LDAH: variants seen among roughly 807,000 people sequenced by gnomAD.
LDAH encodes lipid droplet-associated hydrolase.
A neutral mutation model predicts 29.6 loss-of-function variants in LDAH; 26 were observed. That is an observed-to-expected ratio of 0.88 (90% CI 0.64 to 1.22). LDAH has a LOEUF of 1.22. Ranked by LOEUF, LDAH falls within the 50% of genes most tolerant of loss-of-function variation. LDAH has a pLI of 0.00. For missense variants in LDAH, 344 were observed against 387.3 expected, an observed-to-expected ratio of 0.89 and a Z score of 0.94; for synonymous variants, 117 against 133.0, an observed-to-expected ratio of 0.88 and a Z score of 0.83.
intron 4 of LDAH, among the ~76,000 whole-genome samples, chr2:20,766,763 G>C (rs1198405965): frequency 6.6e-6 from 1 of 152,228 alleles, no homozygotes; most frequent in Non-Finnish European, 1.5e-5. Context: ...TATCCACAGT[G>C]GGGAGGCATA....
chr2:20,761,144 C>T (rs1020703621), intron 4 of LDAH, among the ~76,000 whole-genome samples: 4 of 152,176 alleles, frequency 2.6e-5, no homozygotes, highest in Non-Finnish European at 5.9e-5. Context: ...CTTTCACTGT[C>T]GAACAAGACA....
chr2:20,767,610 A>C (rs968677501), intron 4 of LDAH, among the ~76,000 whole-genome samples: 7 of 152,190 alleles, frequency 4.6e-5, no homozygotes, highest in Non-Finnish European at 1.0e-4. Flanking sequence ...CAGATGGGCC[A>C]CTGGGCAGAA....
chr2:20,704,750 C>T (rs933294446), intron 5 of LDAH, among the ~76,000 whole-genome samples: 2 of 152,170 alleles, frequency 1.3e-5, no homozygotes, highest in Admixed American at 1.3e-4. Context: ...TTTCTTTGTA[C>T]ATCATTTTGT....
chr2:20,683,498 C>G (rs1206608097), downstream of LDAH, among the ~76,000 whole-genome samples: 1 of 152,238 alleles, frequency 6.6e-6, no homozygotes, highest in Non-Finnish European at 1.5e-5. Flanking sequence ...ATGAAGATGT[C>G]TCAAGCCATC....
At chr2:20,814,417 AG>A (rs934296751) in intron 1 of LDAH, among the ~76,000 whole-genome samples, 3 of 152,150 alleles carry the variant, frequency 2.0e-5, no homozygotes, top group Non-Finnish European at 4.4e-5. Flanking sequence ...GTATTCTTCA[AG>A]GGAAATGAAG....
rs202245394 is a variant in LDAH, at chr2:20,701,597, G to A, written c.759C>T (p.Asp253=). Reference sequence around the variant, plus strand: ...TACATAAATGCTCCTTTATGGTTTCGTCATCTCTCTTCACCACCTCCATCA... The same window carrying A: ...TACATAAATGCTCCTTTATGGTTTCATCATCTCTCTTCACCACCTCCATCA... ...QEMMEVVKRD[D]ETIKEHLCKL... Residue 253 remains aspartate (D), a synonymous_variant, in exon 6 of 7, where the codon GAC becomes GAT. Transcript: ENST00000237822. 26 of 1,613,838 alleles carry A rather than the reference G, an allele frequency of 1.6e-5. No homozygotes were observed. The highest frequency in any genetic ancestry group is 1.6e-4 in the Middle Eastern group (1 of 6,082).
At chr2:20,719,277 T>C (rs999049409) in intron 5 of LDAH, among the ~76,000 whole-genome samples, 2 of 136,208 alleles carry the variant, frequency 1.5e-5, no homozygotes, top group Non-Finnish European at 3.2e-5. Flanking sequence ...AAAACCCAAA[T>C]AGGTAAAATC....
intron 4 of LDAH, among the ~76,000 whole-genome samples, chr2:20,773,833 C>A (rs1278152154): frequency 6.6e-6 from 1 of 152,088 alleles, no homozygotes; most frequent in Non-Finnish European, 1.5e-5. Context: ...GAGAAACAGT[C>A]AAAATCCTAG....
chr2:20,798,947 C>T (rs1231944842), intron 2 of LDAH, among the ~76,000 whole-genome samples: 1 of 152,092 alleles, frequency 6.6e-6, no homozygotes, highest in African/African-American at 2.4e-5. Context: ...CGAGTAAAGG[C>T]CAGGCATGGT....
chr2:20,767,387 G>A (rs1393576022), intron 4 of LDAH, among the ~76,000 whole-genome samples: 4 of 152,198 alleles, frequency 2.6e-5, no homozygotes, highest in Non-Finnish European at 5.9e-5. Context: ...AGTAGGGTTG[G>A]GGCCAAGCCT....
intron 4 of LDAH, among the ~76,000 whole-genome samples, chr2:20,743,317 T>TTTC (rs1667332395): frequency 7.0e-6 from 1 of 143,164 alleles, no homozygotes; most frequent in South Asian, 2.1e-4. Context: ...TCCACTTTTT[T>TTTC]TTTTTTTTTT....
chr2:20,771,097 A>G (rs1669381928), intron 4 of LDAH, among the ~76,000 whole-genome samples: 1 of 152,238 alleles, frequency 6.6e-6, no homozygotes, highest in Non-Finnish European at 1.5e-5. Context: ...CTCTAATTCT[A>G]TGTATGGAAT....
At chr2:20,795,750 C>T (rs1298178954) in intron 2 of LDAH, among the ~76,000 whole-genome samples, 1 of 152,010 alleles carries the variant, frequency 6.6e-6, no homozygotes, top group African/African-American at 2.4e-5. Flanking sequence ...AAAGAAAACT[C>T]ACAATTATCA....
chr2:20,699,816 T>C (rs1663782832), intron 6 of LDAH, among the ~76,000 whole-genome samples: 1 of 152,226 alleles, frequency 6.6e-6, no homozygotes, highest in African/African-American at 2.4e-5. Context: ...ATAATTACCA[T>C]GAACAGCCCT....
Position 20,740,347 on chromosome 2 carries a change from A to G in LDAH, c.469-142T>C, listed in dbSNP as rs1392325817. On this transcript the variant is annotated intron_variant, in intron 4 of 6. Transcript: ENST00000237822. Reference sequence around the variant, plus strand: ...TTCAGAGTGAGAAGAACCACCACTCACCACCCTCTCAGCCTATAACTAGGC... The same window carrying G: ...TTCAGAGTGAGAAGAACCACCACTCGCCACCCTCTCAGCCTATAACTAGGC... The G allele has an allele frequency of 7.8e-6, 5 of 641,436 alleles. No homozygotes were observed. In the African/African-American group the frequency reaches 9.2e-5, roughly 12 times the overall value. The allele number at this position is 641,436 out of a possible 1,614,324, so 39.7% of individuals were successfully genotyped here.
At chr2:20,744,094 A>G (rs911241915) in intron 4 of LDAH, among the ~76,000 whole-genome samples, 11 of 151,788 alleles carry the variant, frequency 7.2e-5, no homozygotes, top group African/African-American at 2.7e-4. Flanking sequence ...TTGTCTACCT[A>G]TTCTTGAATG....
At chr2:20,711,384 C>T (rs1406846135) in intron 5 of LDAH, among the ~76,000 whole-genome samples, 1 of 106,436 alleles carries the variant, frequency 9.4e-6, no homozygotes, top group Non-Finnish European at 2.0e-5. Flanking sequence ...GAGTCCGTAT[C>T]AAAAAAAAAA....
At chr2:20,818,643 T>C (rs1673028812) in intron 1 of LDAH, among the ~76,000 whole-genome samples, 1 of 152,084 alleles carries the variant, frequency 6.6e-6, no homozygotes, top group Admixed American at 6.6e-5. Context: ...AAGCAGGCAA[T>C]TAATAGAACA....
chr2:20,814,741 A>G (rs1019742508), intron 1 of LDAH, among the ~76,000 whole-genome samples: 2 of 152,182 alleles, frequency 1.3e-5, no homozygotes, highest in Non-Finnish European at 2.9e-5. Flanking sequence ...AAGTAAATAT[A>G]AATTTTTCAT....
Sources: allele counts gnomAD v4.1 joint callset (sites outside exome capture counted in the v4.1 genomes callset), GRCh38; gene constraint gnomAD v4.1.1; transcripts MANE v1.5; gene names NCBI Gene and HGNC (gene_info 2026-07-23, HGNC 2026-07-21).